The following IQGAP2 variants were observed in gnomAD, a reference collection of about 807,000 sequenced individuals.
IQGAP2 encodes the protein IQ motif containing GTPase activating protein 2.
A neutral mutation model predicts 201.3 loss-of-function variants in IQGAP2; 173 were observed. The observed-to-expected ratio is 0.86, with a 90% CI of 0.76 to 0.98. The LOEUF is 0.98. Among genes scored for constraint, IQGAP2 ranks in the 50% least tolerant of loss-of-function variants. The pLI is 0.00. For synonymous variants in IQGAP2, 675 were observed against 673.9 expected, an observed-to-expected ratio of 1.00 and a Z score of -0.03; for missense variants, 1,687 against 1,864.8, an observed-to-expected ratio of 0.90 and a Z score of 1.76.
chr5:76,643,218 A>C (rs1272028584), intron 17 of IQGAP2, among the ~76,000 whole-genome samples: 1 of 152,208 alleles, frequency 6.6e-6, no homozygotes, highest in Admixed American at 6.5e-5. Context: ...ACAATAGAAT[A>C]ATAAAATGAA....
intron 30 of IQGAP2, among the ~76,000 whole-genome samples, chr5:76,686,341 TTGTTG>T (rs753581817): frequency 1.4e-5 from 2 of 144,660 alleles, no homozygotes; most frequent in African/African-American, 5.2e-5. Flanking sequence ...TCTGTTTTTT[TTGTTG>T]TTGTTGTTGT....
At chr5:76,527,479 A>G (rs946878656) in intron 2 of IQGAP2, among the ~76,000 whole-genome samples, 2 of 152,258 alleles carry the variant, frequency 1.3e-5, no homozygotes, top group African/African-American at 4.8e-5. Flanking sequence ...AGTGGGATAT[A>G]AAGTGAAAAT....
At chr5:76,521,033 C>G (rs139640173) in intron 2 of IQGAP2, among the ~76,000 whole-genome samples, 1 of 152,142 alleles carries the variant, frequency 6.6e-6, no homozygotes, top group Non-Finnish European at 1.5e-5. Flanking sequence ...TCTAGATTGT[C>G]TCTGACTTCT....
At chr5:76,496,524 T>C (rs2150161229) in intron 2 of IQGAP2, among the ~76,000 whole-genome samples, 1 of 152,294 alleles carries the variant, frequency 6.6e-6, no homozygotes, top group South Asian at 2.1e-4. Context: ...TGCCATCTAC[T>C]GTTGGGTAGA....
intron 6 of IQGAP2, 85 bp from the exon 7 acceptor site, chr5:76,589,529 TC>T: frequency 5.9e-6 from 4 of 675,810 alleles, no homozygotes; most frequent in Non-Finnish European, 9.6e-6. Context: ...TGAAGACATT[TC>T]TTGATATGAT....
intron 2 of IQGAP2, among the ~76,000 whole-genome samples, chr5:76,496,388 G>A (rs1756891608): frequency 6.6e-6 from 1 of 152,190 alleles, no homozygotes; most frequent in African/African-American, 2.4e-5. Flanking sequence ...GGGGTTGAAG[G>A]ATTCATAGGA....
intron 2 of IQGAP2, among the ~76,000 whole-genome samples, chr5:76,512,231 G>C (rs925093271): frequency 6.6e-6 from 1 of 152,180 alleles, no homozygotes; most frequent in East Asian, 1.9e-4. Context: ...TAAAGAAGAG[G>C]GTCCAGAATC....
intron 21 of IQGAP2, chr5:76,660,183 A>G (rs1561561794): frequency 6.6e-6 from 1 of 152,250 alleles, no homozygotes; most frequent in Non-Finnish European, 1.5e-5. Context: ...TTACATGGGC[A>G]TGTGAATGCC....
intron 1 of IQGAP2, among the ~76,000 whole-genome samples, chr5:76,409,071 G>A (rs775552678): frequency 1.3e-4 from 19 of 151,992 alleles, no homozygotes; most frequent in Middle Eastern, 3.4e-3. Flanking sequence ...AGGATTACAG[G>A]TGTGAGCCAC....
Position 76,589,039 on chromosome 5 carries a change from C to T in IQGAP2, c.526+66C>T, listed in dbSNP as rs919706805. 1.5e-5 allele frequency: 17 copies of T among 1,117,128 alleles called. No individual in the cohort carries two copies. In the East Asian group the frequency reaches 1.5e-4, roughly 10 times the overall value. 69.2% of individuals were successfully genotyped at this position (1,117,128 alleles called of 1,614,324 possible). On this transcript the variant is annotated intron_variant, in intron 6 of 35. Coordinates refer to ENST00000274364, the MANE Select transcript of IQGAP2 (RefSeq NM_006633.5). ...TAAAAAGTACCAATACCTGGCCGGG[C>T]GTGGTGGCTCATGCCTGTAATCCCA...
At chr5:76,575,276 A>T (rs1483478649) in intron 4 of IQGAP2, among the ~76,000 whole-genome samples, 1 of 152,174 alleles carries the variant, frequency 6.6e-6, no homozygotes, top group African/African-American at 2.4e-5. Context: ...CAGAGCACAT[A>T]TGCCAAGTTT....
intron 2 of IQGAP2, among the ~76,000 whole-genome samples, chr5:76,523,179 T>C (rs893589079): frequency 2.2e-4 from 33 of 148,190 alleles, no homozygotes; most frequent in Non-Finnish European, 5.9e-5. Context: ...CAACCTCCCA[T>C]GCTCAAGTGA....
intron 14 of IQGAP2, among the ~76,000 whole-genome samples, chr5:76,630,105 G>A (rs933745473): frequency 6.6e-6 from 1 of 152,152 alleles, no homozygotes; most frequent in Non-Finnish European, 1.5e-5. Flanking sequence ...GTGACTTAGA[G>A]CACATCAGAA....
intron 3 of IQGAP2, among the ~76,000 whole-genome samples, chr5:76,562,789 A>G (rs1191824089): frequency 6.6e-6 from 1 of 152,200 alleles, no homozygotes; most frequent in Non-Finnish European, 1.5e-5. Flanking sequence ...GCCTCCCCCA[A>G]TTATTCCTTC....
At chr5:76,513,927 A>G (rs779064497) in intron 2 of IQGAP2, among the ~76,000 whole-genome samples, 48 of 151,836 alleles carry the variant, frequency 3.2e-4, no homozygotes, top group Non-Finnish European at 1.0e-4. Flanking sequence ...ATTAATGGGC[A>G]TAGGTGAGGG....
intron 13 of IQGAP2, chr5:76,617,821 A>G: frequency 1.9e-6 from 3 of 1,614,038 alleles, no homozygotes; most frequent in Middle Eastern, 1.6e-4. Flanking sequence ...TACCACAACC[A>G]TCTATGATCG....
At chr5:76,618,425 AG>A in intron 13 of IQGAP2, 1 of 1,614,222 alleles carries the variant, frequency 6.2e-7, no homozygotes, top group African/African-American at 1.3e-5. Flanking sequence ...GTATCAGTTT[AG>A]TACTTAAGGA....
intron 1 of IQGAP2, among the ~76,000 whole-genome samples, chr5:76,459,725 G>A (rs1012737688): frequency 8.5e-5 from 13 of 152,062 alleles, no homozygotes; most frequent in Admixed American, 3.9e-4. Context: ...TGCAACCTCC[G>A]CCTCCTGGGT....
At chr5:76,618,794 T>C in intron 13 of IQGAP2, 1 of 693,286 alleles carries the variant, frequency 1.4e-6, no homozygotes, top group Non-Finnish European at 2.4e-6. Flanking sequence ...CAAGCATATA[T>C]TTAATACATA....
Sources: allele counts gnomAD v4.1 joint callset (sites outside exome capture counted in the v4.1 genomes callset), GRCh38; gene constraint gnomAD v4.1.1; transcripts MANE v1.5; gene names NCBI Gene and HGNC (gene_info 2026-07-23, HGNC 2026-07-21).